Variants in MTUS1 observed in about 807,000 individuals in gnomAD.
MTUS1 encodes microtubule associated scaffold protein 1, also known as microtubule-associated tumor suppressor 1.
A neutral mutation model predicts 120.8 loss-of-function variants in MTUS1; 109 were observed. That is an observed-to-expected ratio of 0.90 (90% CI 0.77 to 1.06). MTUS1 has a LOEUF of 1.06. Among genes scored for constraint, MTUS1 ranks in the 50% least tolerant of loss-of-function variants. The probability of loss-of-function intolerance (pLI) is 0.00; values close to 1 mark genes in which losing one functional copy is unlikely to be tolerated. For synonymous variants in MTUS1, 737 were observed against 550.5 expected (o/e 1.34, Z -4.74); for missense variants, 2,210 against 1,486.3 (o/e 1.49, Z -8.01).
intron 3 of MTUS1, 23 bp downstream of exon 3, chr8:17,743,581 C>G (rs764223677): frequency 6.3e-7 from 1 of 1,595,550 alleles, no homozygotes; most frequent in Non-Finnish European, 8.6e-7. Context: ...AACTCATAAA[C>G]TATTGAACTA....
chr8:17,674,611 A>G, intron 8 of MTUS1: 6 of 985,810 alleles, frequency 6.1e-6, no homozygotes, highest in Non-Finnish European at 7.2e-6. Flanking sequence ...GTGTTGAGAC[A>G]TGTAAACTGC....
At chr8:17,725,435 G>A (rs1369951536) in intron 3 of MTUS1, among the ~76,000 whole-genome samples, 1 of 152,138 alleles carries the variant, frequency 6.6e-6, no homozygotes, top group Non-Finnish European at 1.5e-5. Flanking sequence ...TGTGTGCTCT[G>A]CTCCGATTAA....
intron 7 of MTUS1, among the ~76,000 whole-genome samples, chr8:17,680,285 G>C (rs968293167): frequency 2.0e-5 from 3 of 151,872 alleles, no homozygotes; most frequent in African/African-American, 7.3e-5. Flanking sequence ...CCAACATGGT[G>C]AAACCTCATC....
rs538882983 is a variant in MTUS1, at chr8:17,674,767, C to T, written c.2905+419G>A. 496 of 1,004,404 alleles carry T rather than the reference C, an allele frequency of 4.9e-4. 5 individuals are homozygous for T. The African/African-American group carries it at 8.2e-3, about 17-fold the overall frequency. The allele number at this position is 1,004,404 out of a possible 1,614,324, so 62.2% of individuals were successfully genotyped here. A position where few individuals can be genotyped will look rare whatever the true frequency, so the allele number is the denominator to read the frequency against. ...TTCATGGACAGCATCCTTTCAACTT[C>T]ATACTCACTACTCACAAACCAACCC... On this transcript the variant is annotated intron_variant, in intron 8 of 14. Coordinates refer to ENST00000693296, the MANE Select transcript of MTUS1 (RefSeq NM_001363059.2).
chr8:17,728,402 G>A (rs1258679712), intron 3 of MTUS1, among the ~76,000 whole-genome samples: 1 of 152,146 alleles, frequency 6.6e-6, no homozygotes, highest in Non-Finnish European at 1.5e-5. Flanking sequence ...ACCGTGCCTG[G>A]CCAAAACAGA....
intron 8 of MTUS1, among the ~76,000 whole-genome samples, chr8:17,674,241 G>A (rs775864226): frequency 3.7e-4 from 57 of 152,064 alleles, no homozygotes; most frequent in Non-Finnish European, 6.0e-4. Context: ...CCAACATGGC[G>A]AAACCCCATC....
At chr8:17,662,959 T>G (rs1175532329) in intron 8 of MTUS1, among the ~76,000 whole-genome samples, 2 of 152,046 alleles carry the variant, frequency 1.3e-5, no homozygotes, top group Non-Finnish European at 2.9e-5. Flanking sequence ...AAGGCCACAT[T>G]GAGATTAGAA....
At chr8:17,720,305 A>G (rs1029980871) in intron 4 of MTUS1, among the ~76,000 whole-genome samples, 5 of 151,838 alleles carry the variant, frequency 3.3e-5, no homozygotes, top group African/African-American at 1.2e-4. Flanking sequence ...AGATCATGCC[A>G]CTGCACTCCA....
At chr8:17,768,782 G>C (rs1350810515) in intron 1 of MTUS1, among the ~76,000 whole-genome samples, 1 of 152,064 alleles carries the variant, frequency 6.6e-6, no homozygotes, top group African/African-American at 2.4e-5. Context: ...GAGTCCTGGT[G>C]GGCAGACAGC....
intron 1 of MTUS1, among the ~76,000 whole-genome samples, chr8:17,779,207 T>G (rs987409449): frequency 6.6e-6 from 1 of 152,198 alleles, no homozygotes; most frequent in African/African-American, 2.4e-5. Flanking sequence ...CTCAACTGTT[T>G]CAACATGTGA....
intron 1 of MTUS1, 42 bp downstream of exon 1, chr8:17,801,019 C>T (rs1390696920): frequency 8.5e-5 from 13 of 152,366 alleles, no homozygotes; most frequent in Non-Finnish European, 1.8e-4. Flanking sequence ...CCTCCCCACC[C>T]CGGCCGCCGG....
chr8:17,696,200 G>A (rs1430355782), intron 6 of MTUS1, among the ~76,000 whole-genome samples: 1 of 152,134 alleles, frequency 6.6e-6, no homozygotes, highest in African/African-American at 2.4e-5. Context: ...CAGACTGAAA[G>A]GGAGAGGCTG....
At chr8:17,674,266 A>G (rs1388968131) in intron 8 of MTUS1, among the ~76,000 whole-genome samples, 2 of 152,050 alleles carry the variant, frequency 1.3e-5, no homozygotes, top group South Asian at 2.1e-4. Flanking sequence ...CTAAAAATAC[A>G]AAAATTAGCT....
intron 4 of MTUS1, among the ~76,000 whole-genome samples, chr8:17,718,620 C>T (rs1822783616): frequency 6.6e-6 from 1 of 151,988 alleles, no homozygotes; most frequent in Admixed American, 6.6e-5. Context: ...CTTGAAGAGA[C>T]AATACATAAA....
intron 6 of MTUS1, chr8:17,708,931 A>C (rs973864550): frequency 6.6e-6 from 1 of 152,174 alleles, no homozygotes. Context: ...AGGTCAGAAG[A>C]TCGAGACCAT....
At chr8:17,665,207 C>G (rs1429311828) in intron 8 of MTUS1, among the ~76,000 whole-genome samples, 7 of 152,262 alleles carry the variant, frequency 4.6e-5, no homozygotes, top group Middle Eastern at 3.4e-3. Context: ...TTCTACATTT[C>G]CAAATTATCT....
chr8:17,741,349 A>G (rs2047305783), intron 3 of MTUS1, among the ~76,000 whole-genome samples: 1 of 152,178 alleles, frequency 6.6e-6, no homozygotes, highest in South Asian at 2.1e-4. Context: ...TCAGACCATA[A>G]AAGTCTTCTA....
chr8:17,657,392 C>T (rs1808583699), intron 8 of MTUS1, among the ~76,000 whole-genome samples: 2 of 151,104 alleles, frequency 1.3e-5, no homozygotes, highest in South Asian at 4.2e-4. Flanking sequence ...AACGGTGAAA[C>T]CCCGTCTCTA....
chr8:17,784,192 A>C (rs1215376363), intron 1 of MTUS1, among the ~76,000 whole-genome samples: 1 of 152,200 alleles, frequency 6.6e-6, no homozygotes, highest in African/African-American at 2.4e-5. Context: ...GTGTGGTTTA[A>C]CTGAATCCAC....
Sources: allele counts gnomAD v4.1 joint callset (sites outside exome capture counted in the v4.1 genomes callset), GRCh38; gene constraint gnomAD v4.1.1; transcripts MANE v1.5; gene names NCBI Gene and HGNC (gene_info 2026-07-23, HGNC 2026-07-21).